The following ZNF677 variants were observed in gnomAD, a reference collection of about 807,000 sequenced individuals.
The protein encoded by ZNF677 is zinc finger protein 677, also known as hypothetical protein MGC48625.
A neutral mutation model predicts 8.1 loss-of-function variants in ZNF677; 5 were observed. The observed-to-expected ratio is 0.62, with a 90% CI of 0.32 to 1.29. The LOEUF (loss-of-function observed/expected upper bound fraction) is 1.29. Ranked by LOEUF, ZNF677 falls within the 50% of genes most tolerant of loss-of-function variation. ZNF677 has a pLI of 0.05. For synonymous variants in ZNF677, 221 were observed against 225.6 expected, an observed-to-expected ratio of 0.98 and a Z score of 0.18; for missense variants, 685 against 685.9, an observed-to-expected ratio of 1.00 and a Z score of 0.01.
intron 4 of ZNF677, chr19:53,239,151 G>C (rs928779524): frequency 2.0e-5 from 3 of 152,146 alleles, no homozygotes; most frequent in African/African-American, 7.2e-5. Flanking sequence ...AACAATTTGT[G>C]CATGGTGGTT....
intron 1 of ZNF677, among the ~76,000 whole-genome samples, chr19:53,253,374 T>C (rs925364976): frequency 1.3e-5 from 2 of 152,184 alleles, no homozygotes; most frequent in African/African-American, 2.4e-5. Context: ...CATAAAAGAA[T>C]AGTTCCAATA....
At chr19:53,245,512 T>C (rs1029830507) in intron 3 of ZNF677, among the ~76,000 whole-genome samples, 10 of 152,018 alleles carry the variant, frequency 6.6e-5, no homozygotes, top group Admixed American at 2.6e-4. Flanking sequence ...AAATGGCCAT[T>C]AGGTACATGA....
At chr19:53,243,627 T>C in intron 4 of ZNF677, 117 bp downstream of exon 4, 1 of 1,386,844 alleles carries the variant, frequency 7.2e-7, no homozygotes, top group Non-Finnish European at 1.0e-6. Context: ...GCCTTTCCAC[T>C]CTCAATCAAA....
Position 53,236,898 on chromosome 19 carries a change from G to GACAT in ZNF677, c.*70_*73dup. On this transcript the variant is annotated 3_prime_UTR_variant, in exon 5 of 5. Transcript: ENST00000598513. Reference sequence around the variant, plus strand: ...AGATGTATATTCTGGTATCAAGTGAGACATAAGCCATAGCTAAAGGCTTTA... The same window carrying GACAT: ...AGATGTATATTCTGGTATCAAGTGAGACATACATAAGCCATAGCTAAAGGCTTTA... The GACAT allele has an allele frequency of 7.5e-7, 1 of 1,340,504 alleles. No individual in the cohort carries two copies. Among genetic ancestry groups the GACAT allele is most frequent in the Non-Finnish European group, 1.0e-6 (1 of 991,860 alleles). The allele number at this position is 1,340,504 out of a possible 1,614,324, so 83.0% of individuals were successfully genotyped here.
chr19:53,235,899 G>A lies in ZNF677; in HGVS notation c.*1073C>T, dbSNP rs1299155427. On this transcript the variant is annotated 3_prime_UTR_variant, in exon 5 of 5. Coordinates refer to ENST00000598513, the MANE Select transcript of ZNF677 (RefSeq NM_182609.4). The stretch of plus-strand genomic sequence containing the variant: ...TGCTCTTATAGTATATTGTATATTA[G>A]TGTTCTTGGCTGGGCACGGTGGCTC... The A allele has an allele frequency of 1.3e-5, 2 of 152,266 alleles. No individual in the cohort carries two copies. The allele number at this position is 152,266 out of a possible 1,614,324, so 9.4% of individuals were successfully genotyped here.
chr19:53,252,054 A>G (rs573882731), intron 2 of ZNF677, among the ~76,000 whole-genome samples: 106 of 152,342 alleles, frequency 7.0e-4, no homozygotes, highest in Non-Finnish European at 1.2e-3. Flanking sequence ...ATAAAAAGAT[A>G]TAACGCCAGG....
At chr19:53,252,568 T>C (rs1291304986) in intron 2 of ZNF677, among the ~76,000 whole-genome samples, 1 of 152,194 alleles carries the variant, frequency 6.6e-6, no homozygotes, top group Non-Finnish European at 1.5e-5. Context: ...GATTTAACTC[T>C]TTTCCAGAAA....
chr19:53,237,327 G>A lies in ZNF677; in HGVS notation c.1400C>T (p.Ala467Val), dbSNP rs772599089. The change falls in exon 5 of 5, where the codon GCT becomes GTT. Residue 467 changes from alanine (A) to valine (V), a missense_variant. Coordinates refer to ENST00000598513, the MANE Select transcript of ZNF677 (RefSeq NM_182609.4). ...KPYKCNKCDK[A>V]FIKRSHLWGH... is the part of the protein sequence containing the mutation. ...CCAAAGGTGTGAACGTTTGATAAAAGCTTTATCACATTTATTACATTTGTA... is the reference window on the plus strand; with the variant it reads ...CCAAAGGTGTGAACGTTTGATAAAAACTTTATCACATTTATTACATTTGTA... The A allele has an allele frequency of 3.1e-6, 5 of 1,613,608 alleles. No individual in the cohort carries two copies. The highest frequency in any genetic ancestry group is 1.7e-5 in the Admixed American group (1 of 59,976).
Position 53,237,651 on chromosome 19 carries a change from C to T in ZNF677, c.1076G>A (p.Arg359His), listed in dbSNP as rs781262411. ...CNECGKAFIQ[R>H]SHLWGHERIH... is the part of the protein sequence containing the mutation. Reference sequence around the variant, plus strand: ...TCTTTCATGACCCCAAAGGTGTGAACGCTGGATAAATGCCTTACCACATTC... The same window carrying T: ...TCTTTCATGACCCCAAAGGTGTGAATGCTGGATAAATGCCTTACCACATTC... The change falls in exon 5 of 5, where the codon CGT becomes CAT. Residue 359 changes from arginine (R) to histidine (H), a missense_variant. Physicochemically the swap from Arg to His is conservative, Grantham distance 29 (BLOSUM62 0). Transcript: ENST00000598513. 3.6e-5 allele frequency: 58 copies of T among 1,613,008 alleles called. No individual in the cohort carries two copies. The highest frequency in any genetic ancestry group is 1.0e-4 in the Admixed American group (6 of 59,894).
At chr19:53,252,432 C>CA (rs1228292564) in intron 2 of ZNF677, among the ~76,000 whole-genome samples, 1 of 152,138 alleles carries the variant, frequency 6.6e-6, no homozygotes, top group Non-Finnish European at 1.5e-5. Flanking sequence ...GAGCAGAACT[C>CA]AGTTGTAAAT....
chr19:53,238,468 CCTTT>C lies in ZNF677; in HGVS notation c.255_258del (p.Glu87AlafsTer27), dbSNP rs779347104. ...TCAAAATTGTTGATGCCATGGCTTT[CCTTT>C]CTTTCTAATATCACCAGATGGTATA... On this transcript the variant is annotated frameshift_variant, in exon 5 of 5. Coordinates refer to ENST00000598513, the MANE Select transcript of ZNF677 (RefSeq NM_182609.4). LOFTEE classifies it low-confidence loss of function (END_TRUNC). The C allele has an allele frequency of 2.5e-6, 4 of 1,613,014 alleles. No homozygotes were observed. The African/African-American group carries it at 4.0e-5, about 16-fold the overall frequency.
intron 1 of ZNF677, among the ~76,000 whole-genome samples, chr19:53,253,870 G>A (rs1001282937): frequency 6.6e-6 from 1 of 152,064 alleles, no homozygotes; most frequent in African/African-American, 2.4e-5. Context: ...ACACAAAAAA[G>A]GAGGGAATAA....
chr19:53,237,888 T>C lies in ZNF677; in HGVS notation c.839A>G (p.Asn280Ser), dbSNP rs866091924. 58 of 1,613,390 alleles carry C rather than the reference T, an allele frequency of 3.6e-5. No individual in the cohort carries two copies. Among genetic ancestry groups the C allele is most frequent in the Non-Finnish European group, 4.7e-5 (56 of 1,180,000 alleles). Reference sequence around the variant, plus strand: ...CTGTCCAGAGTGAATTCTCTGATGATTAGTGAGGTTCGAACTTTTGCTAAA... The same window carrying C: ...CTGTCCAGAGTGAATTCTCTGATGACTAGTGAGGTTCGAACTTTTGCTAAA... Reference protein sequence around the residue: ...KAFSKSSNLTNHQRIHSGQRP... With the variant: ...KAFSKSSNLTSHQRIHSGQRP... Residue 280 changes from asparagine to serine, a missense_variant, in exon 5 of 5, where the codon AAT becomes AGT. Coordinates refer to ENST00000598513, the MANE Select transcript of ZNF677 (RefSeq NM_182609.4).
chr19:53,241,994 TG>T lies in ZNF677; in HGVS notation c.169+1749del, dbSNP rs1347801832. 7 of 392,830 alleles carry T rather than the reference TG, an allele frequency of 1.8e-5. No individual in the cohort carries two copies. In the East Asian group the frequency reaches 2.2e-4, roughly 12 times the overall value. The allele number at this position is 392,830 out of a possible 1,614,324, so 24.3% of individuals were successfully genotyped here. A position where few individuals can be genotyped will look rare whatever the true frequency, so the allele number is the denominator to read the frequency against. On this transcript the variant is annotated intron_variant, in intron 4 of 4. Transcript: ENST00000598513. ...TTGCCCAGGCTGGAGTGCAATGGCG[TG>T]ATCTCGGCTCACCACAACCTCTGCC...
Position 53,237,003 on chromosome 19 carries a change from T to C in ZNF677, c.1724A>G (p.Glu575Gly), listed in dbSNP as rs1167774410. The change falls in exon 5 of 5, where the codon GAG (glutamate) becomes GGG (glycine). Residue 575 changes from glutamate (E) to glycine (G), a missense_variant. Transcript: ENST00000598513. ...YNREKHIKYN[E>G]TKIKYSSCT The stretch of plus-strand genomic sequence containing the variant: ...ACAGCTTGAATACTTAATTTTTGTC[T>C]CATTATATTTGATATGTTTTTCTCT... 3 of 1,574,540 alleles carry C rather than the reference T, an allele frequency of 1.9e-6. No individual in the cohort carries two copies. Among genetic ancestry groups the C allele is most frequent in the Middle Eastern group, 1.7e-4 (1 of 5,776 alleles).
At chr19:53,242,473 T>C (rs918058960) in intron 4 of ZNF677, 10 of 398,432 alleles carry the variant, frequency 2.5e-5, no homozygotes, top group Non-Finnish European at 4.4e-5. Context: ...CATTTTGGAA[T>C]GGCAATCAAA....
intron 4 of ZNF677, chr19:53,239,577 A>T (rs546136706): frequency 6.6e-6 from 1 of 152,294 alleles, no homozygotes; most frequent in Non-Finnish European, 1.5e-5. Context: ...ACATTTTATT[A>T]TGTAGAGTCA....
chr19:53,245,706 C>T (rs4803072), intron 3 of ZNF677, among the ~76,000 whole-genome samples: 69,223 of 117,954 alleles, frequency 0.59, 16,110 homozygotes, highest in East Asian at 0.77. Flanking sequence ...GGAAACAGTA[C>T]GGAGGTTCCT....
chr19:53,243,814 G>A lies in ZNF677; in HGVS notation c.99C>T (p.Tyr33=). 1 of 1,614,182 alleles carries A rather than the reference G, an allele frequency of 6.2e-7. No homozygotes were observed. Among genetic ancestry groups the A allele is most frequent in the East Asian group, 2.2e-5 (1 of 44,872 alleles). The change falls in exon 4 of 5, where the codon TAC becomes TAT. Residue 33 remains tyrosine, a synonymous_variant. Transcript: ENST00000598513. ...TGTAGTTCTCCAACATCACGTCCCT[G>A]TACAAGGCCCTCTGGGCAGGGTCCA... ...ECLDPAQRAL[Y]RDVMLENYRN...
Sources: allele counts gnomAD v4.1 joint callset (sites outside exome capture counted in the v4.1 genomes callset), GRCh38; gene constraint gnomAD v4.1.1; transcripts MANE v1.5; gene names NCBI Gene and HGNC (gene_info 2026-07-23, HGNC 2026-07-21).